Variants in SLCO5A1 observed in about 807,000 individuals in gnomAD.
SLCO5A1 encodes solute carrier organic anion transporter family member 5A1, also known as organic anion transporter polypeptide-related protein 4.
SLCO5A1 carries 39 observed loss-of-function variants against 65.1 expected under a neutral mutation model. That is an observed-to-expected ratio of 0.60 (90% CI 0.46 to 0.78). SLCO5A1 has a LOEUF of 0.78. Ranked by LOEUF, SLCO5A1 falls within the 30% of genes least tolerant of loss-of-function variation. The pLI, the probability that SLCO5A1 is intolerant of heterozygous loss-of-function variation, is 0.00. For missense variants in SLCO5A1, 1,029 were observed against 1,069.4 expected (o/e 0.96, Z 0.53); for synonymous variants, 438 against 415.7 (o/e 1.05, Z -0.65).
At chr8:69,728,130 G>A (rs966355995) in intron 5 of SLCO5A1, among the ~76,000 whole-genome samples, 11 of 152,068 alleles carry the variant, frequency 7.2e-5, no homozygotes, top group African/African-American at 2.7e-4. Context: ...TAGACTGTAT[G>A]GTACAGAACA....
intron 6 of SLCO5A1, among the ~76,000 whole-genome samples, chr8:69,701,359 T>TA (rs1814729002): frequency 6.6e-6 from 1 of 152,198 alleles, no homozygotes; most frequent in Non-Finnish European, 1.5e-5. Flanking sequence ...ATTTAAAATT[T>TA]AACCTGAGAT....
intron 2 of SLCO5A1, among the ~76,000 whole-genome samples, chr8:69,823,269 C>T (rs1234436268): frequency 2.6e-5 from 4 of 152,172 alleles, no homozygotes; most frequent in Admixed American, 1.3e-4. Flanking sequence ...TCACACATAA[C>T]AATATTAACT....
chr8:69,688,871 T>C (rs917516683), intron 6 of SLCO5A1, among the ~76,000 whole-genome samples: 1 of 152,200 alleles, frequency 6.6e-6, no homozygotes, highest in African/African-American at 2.4e-5. Flanking sequence ...GATGGCTGGG[T>C]CTAATGGTAT....
At chr8:69,808,817 T>A (rs1417473506) in intron 2 of SLCO5A1, among the ~76,000 whole-genome samples, 1 of 151,992 alleles carries the variant, frequency 6.6e-6, no homozygotes, top group African/African-American at 2.4e-5. Context: ...TAATCATAAC[T>A]AAAGGACCCA....
chr8:69,719,722 C>T (rs1450711262), intron 5 of SLCO5A1: 1 of 152,240 alleles, frequency 6.6e-6, no homozygotes, highest in Non-Finnish European at 1.5e-5. Flanking sequence ...GCTGCAAGAT[C>T]ACAAGACAGA....
At chr8:69,777,890 G>A (rs1468617038) in intron 2 of SLCO5A1, among the ~76,000 whole-genome samples, 5 of 152,258 alleles carry the variant, frequency 3.3e-5, no homozygotes, top group African/African-American at 4.8e-5. Context: ...CTGTGCCTAC[G>A]TCATTCATCT....
intron 6 of SLCO5A1, among the ~76,000 whole-genome samples, chr8:69,695,458 T>C (rs1814457917): frequency 6.6e-6 from 1 of 151,982 alleles, no homozygotes; most frequent in Non-Finnish European, 1.5e-5. Flanking sequence ...ATTGTGCCAC[T>C]GCACTTTAGC....
rs1299023642 is a variant in SLCO5A1 at position 69,730,584 on chromosome 8, T to C, written c.1423+7456A>G. ...ACAGGCCTGGAATTAGCCTGAGCTG[T>C]CTTGCCAAATCATCAACGTGCATCT... On this transcript the variant is annotated intron_variant, in intron 5 of 9. Transcript: ENST00000260126. Among the ~76,000 whole-genome samples the C allele has an allele frequency of 2.0e-5, 3 of 152,198 alleles. 1 individual carries two copies. The East Asian group carries it at 5.8e-4, about 29-fold the overall frequency.
At chr8:69,809,767 G>A (rs1820144007) in intron 2 of SLCO5A1, among the ~76,000 whole-genome samples, 1 of 151,604 alleles carries the variant, frequency 6.6e-6, no homozygotes, top group South Asian at 2.1e-4. Context: ...TTGTGAGGAG[G>A]GGAAAAGGAA....
chr8:69,759,576 T>A (rs937713971), intron 3 of SLCO5A1, among the ~76,000 whole-genome samples: 1 of 152,200 alleles, frequency 6.6e-6, no homozygotes, highest in Non-Finnish European at 1.5e-5. Flanking sequence ...AGGTATTAGG[T>A]GGCAGACTAG....
At chr8:69,736,236 T>G (rs977057310) in intron 5 of SLCO5A1, among the ~76,000 whole-genome samples, 2 of 152,252 alleles carry the variant, frequency 1.3e-5, no homozygotes, top group Non-Finnish European at 2.9e-5. Flanking sequence ...TCAACCACAC[T>G]GCTGTGGAAG....
At chr8:69,778,572 A>C (rs894715368) in intron 2 of SLCO5A1, among the ~76,000 whole-genome samples, 3 of 152,210 alleles carry the variant, frequency 2.0e-5, no homozygotes, top group African/African-American at 7.2e-5. Context: ...ATAACTTTTC[A>C]TATTTTCAGT....
chr8:69,762,232 G>A (rs1817829311), intron 2 of SLCO5A1, among the ~76,000 whole-genome samples: 1 of 149,440 alleles, frequency 6.7e-6, no homozygotes, highest in South Asian at 2.1e-4. Context: ...TGTCACCCAG[G>A]TTGGAGTGCA....
intron 5 of SLCO5A1, among the ~76,000 whole-genome samples, chr8:69,715,095 G>T (rs955407183): frequency 2.6e-5 from 4 of 152,150 alleles, no homozygotes; most frequent in South Asian, 2.1e-4. Flanking sequence ...AAACCTAAAA[G>T]AATTTTCTGC....
intron 2 of SLCO5A1, 114 bp downstream of exon 2, chr8:69,831,652 AC>A: frequency 8.7e-7 from 1 of 1,152,740 alleles, no homozygotes; most frequent in South Asian, 1.6e-5. Context: ...AATAAAGTGA[AC>A]TTTAATCTAT....
intron 2 of SLCO5A1, among the ~76,000 whole-genome samples, chr8:69,763,566 G>A (rs1205313903): frequency 8.4e-6 from 1 of 119,748 alleles, no homozygotes; most frequent in Non-Finnish European, 1.6e-5. Flanking sequence ...ATTGCTGTGA[G>A]GCATGATCAC....
intron 2 of SLCO5A1, among the ~76,000 whole-genome samples, chr8:69,804,243 C>G (rs1486111348): frequency 6.6e-6 from 1 of 152,234 alleles, no homozygotes; most frequent in East Asian, 1.9e-4. Context: ...GACATTTTTG[C>G]TAAAATCTAA....
intron 5 of SLCO5A1, among the ~76,000 whole-genome samples, chr8:69,733,745 C>T (rs1029329576): frequency 3.9e-5 from 6 of 152,176 alleles, no homozygotes; most frequent in Non-Finnish European, 5.9e-5. Context: ...CTATGTAAGA[C>T]GTGCCTCTTC....
rs1351598387 is a variant in SLCO5A1 at position 69,670,649 on chromosome 8, T to C, written c.*2220A>G. 2.6e-5 allele frequency: 4 copies of C among 152,188 alleles called. No individual in the cohort carries two copies. Among genetic ancestry groups the C allele is most frequent in the Admixed American group, 2.6e-4 (4 of 15,282 alleles). The allele number at this position is 152,188 out of a possible 1,614,324, so 9.4% of individuals were successfully genotyped here. A position where few individuals can be genotyped will look rare whatever the true frequency, so the allele number is the denominator to read the frequency against. On this transcript the variant is annotated 3_prime_UTR_variant, in exon 10 of 10. Transcript: ENST00000260126. ...AGGTAATATGACACCTGAAGATACC[T>C]GGCACCTGATCAGTGATCGCCAAAC...
Sources: gnomAD v4.1 joint callset for allele counts (sites outside exome capture counted in the v4.1 genomes callset) on GRCh38, gnomAD v4.1.1 for gene constraint, MANE v1.5 for transcripts, NCBI Gene and HGNC (gene_info 2026-07-23, HGNC 2026-07-21) for gene names.